The following ATP8B4 variants were observed in gnomAD, a reference collection of about 807,000 sequenced individuals.
The protein encoded by ATP8B4 is ATPase phospholipid transporting 8B4 (putative).
ATP8B4 carries 133 observed loss-of-function variants against 145.6 expected under a neutral mutation model. The observed-to-expected ratio is 0.91, with a 90% confidence interval of 0.79 to 1.05. The LOEUF (loss-of-function observed/expected upper bound fraction) is 1.05. Ranked by LOEUF, ATP8B4 falls within the 50% of genes least tolerant of loss-of-function variation. ATP8B4 has a pLI of 0.00. For missense variants in ATP8B4, 1,458 were observed against 1,425.2 expected (o/e 1.02, Z -0.37); for synonymous variants, 507 against 492.9 (o/e 1.03, Z -0.38).
chr15:50,180,819 G>T (rs1009967780), intron 1 of ATP8B4, among the ~76,000 whole-genome samples: 2 of 152,098 alleles, frequency 1.3e-5, no homozygotes, highest in South Asian at 4.2e-4. Context: ...AAAGGGAAAG[G>T]TTGCTTGCGC....
At chr15:50,093,442 T>C (rs1214306473) in intron 2 of ATP8B4, among the ~76,000 whole-genome samples, 4 of 152,048 alleles carry the variant, frequency 2.6e-5, no homozygotes, top group African/African-American at 9.7e-5. Context: ...GTTGATAAAG[T>C]AGTAAAAGTA....
intron 3 of ATP8B4, among the ~76,000 whole-genome samples, chr15:50,072,041 A>G (rs1458113346): frequency 6.6e-6 from 1 of 150,614 alleles, no homozygotes; most frequent in African/African-American, 2.4e-5. Flanking sequence ...AATAAATATT[A>G]ATATTAATTA....
At chr15:49,981,105 T>C in intron 11 of ATP8B4, 101 bp downstream of exon 11, 3 of 999,248 alleles carry the variant, frequency 3.0e-6, no homozygotes, top group Non-Finnish European at 4.4e-6. Context: ...AAAAACAAAC[T>C]CCACAAGGAG....
At chr15:50,137,311 T>G (rs905784257) in intron 1 of ATP8B4, among the ~76,000 whole-genome samples, 1 of 152,218 alleles carries the variant, frequency 6.6e-6, no homozygotes, top group African/African-American at 2.4e-5. Context: ...AAGGAATGTT[T>G]TGAGAGAAGC....
At chr15:50,029,246 A>AAAAAAAAAAC (rs1174629013) in intron 6 of ATP8B4, among the ~76,000 whole-genome samples, 7 of 149,406 alleles carry the variant, frequency 4.7e-5, no homozygotes, top group Middle Eastern at 3.4e-3. Flanking sequence ...CTTAAAAAAA[A>AAAAAAAAAAC]AAAAAAAAAA....
intron 1 of ATP8B4, among the ~76,000 whole-genome samples, chr15:50,144,780 C>T (rs1324288187): frequency 6.6e-6 from 1 of 151,870 alleles, no homozygotes; most frequent in African/African-American, 2.4e-5. Context: ...TCTTCCTATC[C>T]ACAGGGCCTA....
intron 3 of ATP8B4, among the ~76,000 whole-genome samples, chr15:50,065,846 A>C (rs1389928720): frequency 1.3e-5 from 2 of 152,144 alleles, no homozygotes; most frequent in Non-Finnish European, 2.9e-5. Context: ...TTACTTCTCA[A>C]AGCAGATGGA....
At chr15:50,095,421 G>T (rs1007982127) in intron 2 of ATP8B4, among the ~76,000 whole-genome samples, 3 of 152,102 alleles carry the variant, frequency 2.0e-5, no homozygotes, top group Admixed American at 6.6e-5. Flanking sequence ...ACTTTACAAG[G>T]ATCTGAAATT....
chr15:50,176,947 A>C (rs1021639894), intron 1 of ATP8B4, among the ~76,000 whole-genome samples: 3 of 152,156 alleles, frequency 2.0e-5, no homozygotes, highest in African/African-American at 7.2e-5. Context: ...CAATCTTATC[A>C]CATACCACCT....
intron 1 of ATP8B4, among the ~76,000 whole-genome samples, chr15:50,146,526 C>G (rs1166250644): frequency 6.6e-6 from 1 of 152,152 alleles, no homozygotes; most frequent in Non-Finnish European, 1.5e-5. Context: ...TTGAACTTTA[C>G]CTGGTAAGGT....
chr15:50,006,480 T>A (rs2048312958), intron 7 of ATP8B4, among the ~76,000 whole-genome samples: 1 of 100,896 alleles, frequency 9.9e-6, no homozygotes, highest in Non-Finnish European at 1.8e-5. Context: ...ATGAGGGCAA[T>A]GAGACCACCA....
chr15:50,148,289 G>A (rs970274978), intron 1 of ATP8B4, among the ~76,000 whole-genome samples: 9 of 152,034 alleles, frequency 5.9e-5, no homozygotes, highest in African/African-American at 1.9e-4. Context: ...AAACATAAAA[G>A]ACATAAATAA....
At chr15:49,970,558 C>T (rs573497821) in intron 13 of ATP8B4, among the ~76,000 whole-genome samples, 21 of 152,190 alleles carry the variant, frequency 1.4e-4, no homozygotes, top group African/African-American at 4.1e-4. Flanking sequence ...AGAAATACAG[C>T]GAACAAGGAA....
intron 6 of ATP8B4, among the ~76,000 whole-genome samples, chr15:50,038,332 T>C (rs1456411696): frequency 6.6e-6 from 1 of 152,222 alleles, no homozygotes; most frequent in African/African-American, 2.4e-5. Context: ...CCATGTATAT[T>C]CCACTATCAA....
intron 25 of ATP8B4, among the ~76,000 whole-genome samples, chr15:49,874,949 T>C (rs1284059743): frequency 6.6e-6 from 1 of 151,922 alleles, no homozygotes; most frequent in Non-Finnish European, 1.5e-5. Flanking sequence ...ACTATTGTAA[T>C]AGCACATAAA....
At chr15:50,033,050 A>G (rs1246196134) in intron 6 of ATP8B4, among the ~76,000 whole-genome samples, 2 of 152,210 alleles carry the variant, frequency 1.3e-5, no homozygotes, top group Non-Finnish European at 2.9e-5. Flanking sequence ...AGTTGTTCCT[A>G]TTGAAAGAGT....
At chr15:50,026,233 C>T (rs2049996003) in intron 6 of ATP8B4, among the ~76,000 whole-genome samples, 1 of 152,182 alleles carries the variant, frequency 6.6e-6, no homozygotes, top group African/African-American at 2.4e-5. Flanking sequence ...TGGCTCCTCA[C>T]CATCACACCA....
At chr15:50,062,867 T>A (rs184066594) in intron 3 of ATP8B4, among the ~76,000 whole-genome samples, 2 of 152,200 alleles carry the variant, frequency 1.3e-5, no homozygotes, top group Non-Finnish European at 1.5e-5. Context: ...TCAGCTCATT[T>A]GTGCTTCTAA....
chr15:50,019,116 T>C, intron 6 of ATP8B4: 1 of 466,872 alleles, frequency 2.1e-6, no homozygotes. Context: ...TTAGGAACAA[T>C]CTTGACACTT....
Sources: gnomAD v4.1 joint callset for allele counts (sites outside exome capture counted in the v4.1 genomes callset) on GRCh38, gnomAD v4.1.1 for gene constraint, MANE v1.5 for transcripts, NCBI Gene and HGNC (gene_info 2026-07-23, HGNC 2026-07-21) for gene names.